The following SGPP1 variants were observed in gnomAD, a reference collection of about 807,000 sequenced individuals.
SGPP1 encodes the protein hSPP1.
SGPP1 carries 21 observed loss-of-function variants against 33.0 expected under a neutral mutation model. That is an observed-to-expected ratio of 0.64 (90% CI 0.45 to 0.92). SGPP1 has a LOEUF of 0.92. Among genes scored for constraint, SGPP1 ranks in the 40% least tolerant of loss-of-function variants. The pLI, the probability that SGPP1 is intolerant of heterozygous loss-of-function variation, is 0.00. For synonymous variants in SGPP1, 239 were observed against 241.2 expected, an observed-to-expected ratio of 0.99 and a Z score of 0.08; for missense variants, 543 against 589.4, an observed-to-expected ratio of 0.92 and a Z score of 0.81.
intron 1 of SGPP1, among the ~76,000 whole-genome samples, chr14:63,707,463 C>T: frequency 6.6e-6 from 1 of 151,998 alleles, no homozygotes; most frequent in Non-Finnish European, 1.5e-5. Flanking sequence ...TTCCTGATTG[C>T]CTCTCCAGAA....
rs71120275 is a variant in SGPP1 at position 63,688,315 on chromosome 14, C to CAAAAAAAAAAAAA, written c.775-1672_775-1660dup. Among the ~76,000 whole-genome samples the CAAAAAAAAAAAAA allele has an allele frequency of 1.8e-3, 56 of 31,430 alleles. 1 individual carries two copies. Among genetic ancestry groups the CAAAAAAAAAAAAA allele is most frequent in the African/African-American group, 5.4e-3 (54 of 10,086 alleles). 20.6% of individuals were successfully genotyped at this position (31,430 alleles called of 152,430 possible). ...TGGGTGACAGAGCAAGACTCTGTCT[C>CAAAAAAAAAAAAA]AAAAAAAAAAAAAAAAAAAAAAAAA... On this transcript the variant is annotated intron_variant, in intron 2 of 2. Coordinates refer to ENST00000247225, the MANE Select transcript of SGPP1 (RefSeq NM_030791.4).
At chr14:63,723,491 G>C (rs1346909315) in intron 1 of SGPP1, among the ~76,000 whole-genome samples, 6 of 152,052 alleles carry the variant, frequency 3.9e-5, no homozygotes, top group Non-Finnish European at 8.8e-5. Context: ...GAGGCTGAGG[G>C]GAGTGGATCA....
intron 1 of SGPP1, among the ~76,000 whole-genome samples, chr14:63,723,771 C>G (rs1243564155): frequency 2.0e-5 from 3 of 152,062 alleles, no homozygotes; most frequent in Non-Finnish European, 2.9e-5. Flanking sequence ...AGACAGCAAT[C>G]TTGAAGAAAT....
chr14:63,686,757 A>C (rs1275001492), intron 2 of SGPP1, 101 bp from the exon 3 acceptor site: 3 of 862,794 alleles, frequency 3.5e-6, no homozygotes, highest in East Asian at 2.7e-5. Flanking sequence ...AATATACATA[A>C]ATTTTTTAAA....
chr14:63,722,987 A>G (rs1885805559), intron 1 of SGPP1, among the ~76,000 whole-genome samples: 1 of 151,984 alleles, frequency 6.6e-6, no homozygotes, highest in Admixed American at 6.6e-5. Flanking sequence ...AAAAAAAAAA[A>G]AATTAATCTA....
chr14:63,727,381 C>T lies in SGPP1; in HGVS notation c.564G>A (p.Ser188=). 1 of 1,614,062 alleles carries T rather than the reference C, an allele frequency of 6.2e-7. No homozygotes were observed. ...KDIIRWPRPA[S]PPVVKLEVFY... The stretch of plus-strand genomic sequence containing the variant: ...AGACCTCCAACTTGACCACGGGCGG[C>T]GAGGCGGGCCTCGGCCAGCGGATGA... The change falls in exon 1 of 3, where the codon TCG becomes TCA. Residue 188 remains serine, a synonymous_variant. Transcript: ENST00000247225.
chr14:63,722,768 C>G (rs1250648984), intron 1 of SGPP1, among the ~76,000 whole-genome samples: 1 of 151,514 alleles, frequency 6.6e-6, no homozygotes, highest in Non-Finnish European at 1.5e-5. Flanking sequence ...GAGTTCAAGA[C>G]CAGCCTAAGC....
intron 1 of SGPP1, among the ~76,000 whole-genome samples, chr14:63,712,917 CAAAAAAAAAA>C (rs56797705): frequency 1.6e-5 from 1 of 63,750 alleles, no homozygotes; most frequent in Non-Finnish European, 3.5e-5. Context: ...AACTCTGTCT[CAAAAAAAAAA>C]AAAAAAAAAA....
intron 1 of SGPP1, among the ~76,000 whole-genome samples, chr14:63,714,613 G>A (rs966800368): frequency 2.0e-5 from 3 of 151,992 alleles, no homozygotes; most frequent in African/African-American, 7.2e-5. Context: ...TAGAGAAAGG[G>A]TCTTGATTTG....
chr14:63,709,871 G>A (rs376862617), intron 1 of SGPP1, among the ~76,000 whole-genome samples: 1 of 151,508 alleles, frequency 6.6e-6, no homozygotes. Flanking sequence ...TCTACCAAAC[G>A]GCTTTTTTCT....
chr14:63,711,401 A>G (rs544482988), intron 1 of SGPP1, among the ~76,000 whole-genome samples: 5 of 152,338 alleles, frequency 3.3e-5, no homozygotes, highest in South Asian at 4.1e-4. Context: ...AACAGAACCA[A>G]TAGGATATGT....
chr14:63,689,098 T>C (rs1885043286), intron 2 of SGPP1, among the ~76,000 whole-genome samples: 1 of 152,182 alleles, frequency 6.6e-6, no homozygotes, highest in Non-Finnish European at 1.5e-5. Context: ...AATTTTTTAT[T>C]ATATAGGATT....
chr14:63,701,275 C>G (rs1275563598), intron 1 of SGPP1, among the ~76,000 whole-genome samples: 1 of 152,182 alleles, frequency 6.6e-6, no homozygotes, highest in African/African-American at 2.4e-5. Context: ...TGAGCCACCA[C>G]TCCTGGCCAA....
At chr14:63,712,694 G>T (rs867775971) in intron 1 of SGPP1, among the ~76,000 whole-genome samples, 1 of 151,580 alleles carries the variant, frequency 6.6e-6, no homozygotes, top group East Asian at 1.9e-4. Flanking sequence ...TTGAGGGAGG[G>T]TCTTGCTCTG....
In SGPP1 at chr14:63,723,127, C is replaced by T. The variant is rs185699236; in HGVS notation, c.684+4134G>A. Among the ~76,000 whole-genome samples, 3 of 152,184 alleles carry T rather than the reference C, an allele frequency of 2.0e-5. No individual in the cohort carries two copies. The East Asian group carries it at 5.8e-4, about 29-fold the overall frequency. ...TTTATTTTTGAAAAGAACATGCAAA[C>T]ATAAATGGAAAAGGAACGTCATATT... is the stretch of plus-strand genomic sequence containing the variant. On this transcript the variant is annotated intron_variant, in intron 1 of 2. Coordinates refer to ENST00000247225, the MANE Select transcript of SGPP1 (RefSeq NM_030791.4).
intron 2 of SGPP1, among the ~76,000 whole-genome samples, chr14:63,693,909 T>A (rs1186927418): frequency 4.6e-5 from 7 of 152,238 alleles, no homozygotes; most frequent in African/African-American, 1.4e-4. Context: ...GGTATTTTTT[T>A]AAATTATGTA....
At chr14:63,711,831 A>C (rs1172711453) in intron 1 of SGPP1, among the ~76,000 whole-genome samples, 1 of 152,116 alleles carries the variant, frequency 6.6e-6, no homozygotes, top group Admixed American at 6.6e-5. Flanking sequence ...GGAGTTCCAG[A>C]CCAGCCTGGC....
At chr14:63,712,646 A>AT (rs1247314242) in intron 1 of SGPP1, among the ~76,000 whole-genome samples, 2 of 152,046 alleles carry the variant, frequency 1.3e-5, no homozygotes, top group Admixed American at 6.6e-5. Context: ...AACATTTTTA[A>AT]TTTTTTTGTA....
intron 1 of SGPP1, among the ~76,000 whole-genome samples, chr14:63,706,366 C>A (rs113656623): frequency 6.6e-6 from 1 of 151,910 alleles, no homozygotes; most frequent in Non-Finnish European, 1.5e-5. Flanking sequence ...AACGGTTGTA[C>A]GACATTGTGA....
Sources: allele counts gnomAD v4.1 joint callset (sites outside exome capture counted in the v4.1 genomes callset), GRCh38; gene constraint gnomAD v4.1.1; transcripts MANE v1.5; gene names NCBI Gene and HGNC (gene_info 2026-07-23, HGNC 2026-07-21).